Variants in CACNA1I observed in about 807,000 individuals in gnomAD.
The protein encoded by CACNA1I is voltage-dependent T-type calcium channel subunit alpha-1I.
In CACNA1I, 74 loss-of-function variants were observed where a neutral mutation model predicts 201.6. That is an observed-to-expected ratio of 0.37 (90% CI 0.30 to 0.45). The LOEUF (loss-of-function observed/expected upper bound fraction) is 0.45. Ranked by LOEUF, CACNA1I falls within the 20% of genes least tolerant of loss-of-function variation. CACNA1I has a pLI of 1.00. For synonymous variants in CACNA1I, 1,431 were observed against 1,345.2 expected (o/e 1.06, Z -1.40); for missense variants, 2,346 against 3,138.1 (o/e 0.75, Z 6.03).
Position 39,677,478 on chromosome 22 carries a change from G to C in CACNA1I, c.4933+59G>C, listed in dbSNP as rs1370531610. 3 of 1,204,448 alleles carry C rather than the reference G, an allele frequency of 2.5e-6. No individual in the cohort carries two copies. Among genetic ancestry groups the C allele is most frequent in the Non-Finnish European group, 2.3e-6 (2 of 876,224 alleles). 74.6% of individuals were successfully genotyped at this position (1,204,448 alleles called of 1,614,324 possible). ...GTGCAGCAGGGCTGCAGGAGGAACTGGGGGGGCGGGGGAGGCCTGAGACCC... is the reference window on the plus strand; with the variant it reads ...GTGCAGCAGGGCTGCAGGAGGAACTCGGGGGGCGGGGGAGGCCTGAGACCC... On this transcript the variant is annotated intron_variant, in intron 30 of 36. Coordinates refer to ENST00000402142, the MANE Select transcript of CACNA1I (RefSeq NM_021096.4). This position sits in a 1 kb window ranked among gnomAD's most constrained non-coding sequence, Gnocchi z 4.8.
rs1935563802 is a variant in CACNA1I at position 39,677,894 on chromosome 22, G to A, written c.4934-93G>A. Reference sequence around the variant, plus strand: ...CTGCAGGCCCCTCCTAGGGTGTGATGAGGGTTCTGAGGCGAGGCGGGAGGC... The same window carrying A: ...CTGCAGGCCCCTCCTAGGGTGTGATAAGGGTTCTGAGGCGAGGCGGGAGGC... On this transcript the variant is annotated intron_variant, in intron 30 of 36. Coordinates refer to ENST00000402142, the MANE Select transcript of CACNA1I (RefSeq NM_021096.4). The surrounding 1 kb of genome is among the most constrained non-coding windows in gnomAD (Gnocchi z 4.8). The A allele has an allele frequency of 2.8e-6, 4 of 1,411,614 alleles. No homozygotes were observed. The highest frequency in any genetic ancestry group is 4.3e-5 in the Admixed American group (2 of 46,082). 87.4% of individuals were successfully genotyped at this position (1,411,614 alleles called of 1,614,324 possible). A position where few individuals can be genotyped will look rare whatever the true frequency, so the allele number is the denominator to read the frequency against.
At chr22:39,619,485 T>TTGGGGGG in intron 4 of CACNA1I, 78 bp downstream of exon 4, 1 of 1,062,980 alleles carries the variant, frequency 9.4e-7, no homozygotes, top group African/African-American at 1.6e-5. Context: ...ACCTAGCCAA[T>TTGGGGGG]GCCCACCCCC....
chr22:39,656,315 G>A (rs774540280), intron 10 of CACNA1I: 5 of 482,252 alleles, frequency 1.0e-5, no homozygotes, highest in Non-Finnish European at 1.3e-5. Flanking sequence ...TCCTGCTCTC[G>A]GTCCTCTGCT....
At chr22:39,633,554 A>G (rs1934122717) in intron 4 of CACNA1I, among the ~76,000 whole-genome samples, 1 of 152,216 alleles carries the variant, frequency 6.6e-6, no homozygotes. Flanking sequence ...CGGTGGCTGA[A>G]TAGGGATTTG....
chr22:39,650,531 G>T (rs940200366), intron 10 of CACNA1I, among the ~76,000 whole-genome samples: 1 of 152,130 alleles, frequency 6.6e-6, no homozygotes, highest in Non-Finnish European at 1.5e-5. Context: ...GCTCTTCCCT[G>T]CCTCAAAACT....
intron 29 of CACNA1I, among the ~76,000 whole-genome samples, chr22:39,674,282 C>T (rs950126139): frequency 6.6e-6 from 1 of 152,190 alleles, no homozygotes; most frequent in African/African-American, 2.4e-5. Context: ...TGAGGGTCCA[C>T]ATTGTGCCCT....
chr22:39,602,967 C>A (rs928100103), intron 3 of CACNA1I, among the ~76,000 whole-genome samples: 15 of 151,994 alleles, frequency 9.9e-5, no homozygotes, highest in African/African-American at 3.6e-4. Context: ...GCCTGGGCAA[C>A]ATAGTGAGAC....
chr22:39,670,680 T>C (rs1017114136), intron 25 of CACNA1I, 123 bp from the exon 26 acceptor site: 3 of 883,168 alleles, frequency 3.4e-6, no homozygotes, highest in Middle Eastern at 6.8e-4. Context: ...GGGCCTGGGG[T>C]GGATCAACAT....
chr22:39,678,994 G>A (rs1203058942), intron 31 of CACNA1I, 113 bp from the exon 32 acceptor site: 5 of 786,954 alleles, frequency 6.4e-6, no homozygotes, highest in East Asian at 2.8e-5. Context: ...GGGCCATCTC[G>A]GGGGTTGAAT....
Position 39,686,222 on chromosome 22 carries a change from C to T in CACNA1I, c.6489C>T (p.Gly2163=). The T allele has an allele frequency of 2.4e-6, 3 of 1,246,470 alleles. No homozygotes were observed. The highest frequency in any genetic ancestry group is 6.3e-5 in the South Asian group (2 of 31,732). The allele number at this position is 1,246,470 out of a possible 1,614,324, so 77.2% of individuals were successfully genotyped here. Residue 2163 remains glycine, a synonymous_variant, in exon 37 of 37, where the codon GGC becomes GGT. Transcript: ENST00000402142. ...FSSTSSLAAP[G]RPHAAALAHG... is the part of the protein sequence containing the mutation. Reference sequence around the variant, plus strand: ...GCACCAGCAGCCTGGCCGCCCCCGGCCGCCCCCACGCCGCCGCCCTGGCCC... The same window carrying T: ...GCACCAGCAGCCTGGCCGCCCCCGGTCGCCCCCACGCCGCCGCCCTGGCCC...
At chr22:39,585,386 C>CTTTTTTTTT (rs67733131) in intron 1 of CACNA1I, among the ~76,000 whole-genome samples, 1 of 90,456 alleles carries the variant, frequency 1.1e-5, no homozygotes, top group Non-Finnish European at 2.2e-5. Flanking sequence ...TTCTTTCTTT[C>CTTTTTTTTT]TTTTTTTTTT....
chr22:39,583,219 A>AAC lies in CACNA1I; in HGVS notation c.236+12231_236+12232insAC, dbSNP rs1393172615. Among the ~76,000 whole-genome samples, 17 of 92,676 alleles carry AAC rather than the reference A, an allele frequency of 1.8e-4. No individual in the cohort carries two copies. The East Asian group carries it at 3.1e-3, about 17-fold the overall frequency. The allele number at this position is 92,676 out of a possible 152,430, so 60.8% of individuals were successfully genotyped here. A position where few individuals can be genotyped will look rare whatever the true frequency, so the allele number is the denominator to read the frequency against. ...AACAATCCATCCATCCATCCATCCAACAATCCATCCATCCATCCATCCATT... is the reference window on the plus strand; with the variant it reads ...AACAATCCATCCATCCATCCATCCAAACCAATCCATCCATCCATCCATCCATT... On this transcript the variant is annotated intron_variant, in intron 1 of 36. Transcript: ENST00000402142.
intron 3 of CACNA1I, among the ~76,000 whole-genome samples, chr22:39,612,527 T>A (rs1933414357): frequency 6.6e-6 from 1 of 152,156 alleles, no homozygotes; most frequent in Non-Finnish European, 1.5e-5. Context: ...GGGGGCCACT[T>A]CCTCATAGAT....
chr22:39,626,459 A>T (rs757395703), intron 4 of CACNA1I, among the ~76,000 whole-genome samples: 2 of 152,148 alleles, frequency 1.3e-5, no homozygotes, highest in African/African-American at 2.4e-5. Flanking sequence ...TGCCTGGCAG[A>T]TAGATTGGCA....
rs538200203 is a variant in CACNA1I, at chr22:39,620,897, A to C, written c.580+1490A>C. Reference sequence around the variant, plus strand: ...CTCACCCTCATGAGTAGCTGGGACTACAGGCATGTGCCACCATGCCTGGCT... The same window carrying C: ...CTCACCCTCATGAGTAGCTGGGACTCCAGGCATGTGCCACCATGCCTGGCT... On this transcript the variant is annotated intron_variant, in intron 4 of 36. Transcript: ENST00000402142. Among the ~76,000 whole-genome samples the C allele has an allele frequency of 3.3e-5, 5 of 152,174 alleles. No individual in the cohort carries two copies. The East Asian group carries it at 9.6e-4, about 29-fold the overall frequency.
At chr22:39,674,617 G>C (rs905679440) in intron 29 of CACNA1I, among the ~76,000 whole-genome samples, 7 of 152,126 alleles carry the variant, frequency 4.6e-5, no homozygotes, top group African/African-American at 1.7e-4. Context: ...GGGCCACAGA[G>C]GGCATCTTTT....
At chr22:39,628,698 G>A (rs1933964741) in intron 4 of CACNA1I, among the ~76,000 whole-genome samples, 1 of 152,112 alleles carries the variant, frequency 6.6e-6, no homozygotes, top group South Asian at 2.1e-4. Context: ...GGTGCCCACT[G>A]TGCTCCTGAT....
chr22:39,680,856 T>G, intron 33 of CACNA1I, 74 bp from the exon 34 acceptor site: 1 of 1,500,156 alleles, frequency 6.7e-7, no homozygotes. Flanking sequence ...CTCAGGCCTG[T>G]GGCTGCACGC....
rs373733549 is a variant in CACNA1I at position 39,682,416 on chromosome 22, C to T, written c.5665-80C>T. 4.7e-4 allele frequency: 570 copies of T among 1,209,262 alleles called. 3 individuals are homozygous for T. The African/African-American group carries it at 5.6e-3, about 12-fold the overall frequency. 74.9% of individuals were successfully genotyped at this position (1,209,262 alleles called of 1,614,324 possible). On this transcript the variant is annotated intron_variant, in intron 34 of 36. Coordinates refer to ENST00000402142, the MANE Select transcript of CACNA1I (RefSeq NM_021096.4). ...AGGGTAGCCTAGTTAAGCAAGGGGC[C>T]GTGGAGCAGGTCATGAGGTACCCTT...
Sources: allele counts gnomAD v4.1 joint callset (sites outside exome capture counted in the v4.1 genomes callset), GRCh38; gene constraint gnomAD v4.1.1; non-coding constraint Gnocchi (gnomAD v3.1); transcripts MANE v1.5; gene names NCBI Gene and HGNC (gene_info 2026-07-23, HGNC 2026-07-21).